Variants in MMD observed in about 807,000 individuals in gnomAD.
MMD encodes monocyte to macrophage differentiation associated.
Under a neutral mutation model 33.6 loss-of-function variants are expected in MMD, and 22 were observed. That is an observed-to-expected ratio of 0.66 (90% CI 0.47 to 0.94). The LOEUF (loss-of-function observed/expected upper bound fraction) is 0.94, where lower values mean the gene tolerates loss of function less well. MMD is among the 40% of genes least tolerant of loss of function. The pLI is 0.00. For missense variants in MMD, 242 were observed against 309.8 expected, an observed-to-expected ratio of 0.78 and a Z score of 1.64; for synonymous variants, 97 against 103.2, an observed-to-expected ratio of 0.94 and a Z score of 0.36.
In MMD at chr17:55,421,794, C is replaced by T. The variant is rs557948346; in HGVS notation, c.-99G>A. 1.5e-6 allele frequency: 2 copies of T among 1,354,146 alleles called. No homozygotes were observed. Among genetic ancestry groups the T allele is most frequent in the South Asian group, 2.9e-5 (2 of 69,860 alleles). 83.9% of individuals were successfully genotyped at this position (1,354,146 alleles called of 1,614,324 possible). A position where few individuals can be genotyped will look rare whatever the true frequency, so the allele number is the denominator to read the frequency against. ...GGGCTTGGGCTGCTCCGGAGGCCGC[C>T]TGCGTGTCCAGCGGAACCCTTCGGC... On this transcript the variant is annotated 5_prime_UTR_variant, in exon 1 of 7. Transcript: ENST00000262065.
rs147641195 is a variant in MMD, at chr17:55,394,546, GAAAAAAA to G, written c.517-19_517-13del. 1.4e-6 allele frequency: 2 copies of G among 1,418,758 alleles called. No individual in the cohort carries two copies. The highest frequency in any genetic ancestry group is 3.4e-5 in the South Asian group (2 of 58,908). 87.9% of individuals were successfully genotyped at this position (1,418,758 alleles called of 1,614,324 possible). On this transcript the variant is annotated splice_polypyrimidine_tract_variant and intron_variant, in intron 6 of 6. Transcript: ENST00000262065. Reference sequence around the variant, plus strand: ...CCATCGGTGTTGTTCTGTCAACAGAGAAAAAAAAATAAAAAGGGTTTGATGTTACTCT... The same window carrying G: ...CCATCGGTGTTGTTCTGTCAACAGAGAATAAAAAGGGTTTGATGTTACTCT...
At chr17:55,407,426 G>C (rs926151163) in intron 4 of MMD, among the ~76,000 whole-genome samples, 5 of 152,164 alleles carry the variant, frequency 3.3e-5, no homozygotes, top group African/African-American at 1.2e-4. Context: ...CAATAGCAGA[G>C]GTATAGGGAA....
rs761221289 is a variant in MMD at position 55,421,708 on chromosome 17, C to T, written c.-13G>A. 1.3e-6 allele frequency: 2 copies of T among 1,586,674 alleles called. No homozygotes were observed. The highest frequency in any genetic ancestry group is 1.7e-6 in the Non-Finnish European group (2 of 1,167,510). ...TCTTGAACCGCATTGATCCTCTGCT[C>T]CTCCTCGGGGGCCAGGAGCTCCGTC... On this transcript the variant is annotated 5_prime_UTR_variant, in exon 1 of 7. Coordinates refer to ENST00000262065, the MANE Select transcript of MMD (RefSeq NM_012329.3).
intron 1 of MMD, among the ~76,000 whole-genome samples, chr17:55,417,631 C>CA (rs1480395776): frequency 4.0e-5 from 6 of 151,622 alleles, no homozygotes; most frequent in South Asian, 2.1e-4. Context: ...TCTCTACACA[C>CA]AAAAAAAAAT....
chr17:55,408,932 C>T (rs765021414), intron 3 of MMD, among the ~76,000 whole-genome samples: 6 of 152,034 alleles, frequency 3.9e-5, no homozygotes, highest in Non-Finnish European at 8.8e-5. Context: ...ACCCAGGAGG[C>T]GGAGGTGGCA....
chr17:55,407,714 C>G, intron 4 of MMD, 32 bp downstream of exon 4: 1 of 1,574,176 alleles, frequency 6.4e-7, no homozygotes, highest in Non-Finnish European at 8.7e-7. Flanking sequence ...CATAAAATCA[C>G]TACCTTCGAA....
chr17:55,401,618 T>C (rs79971646), intron 5 of MMD, 80 bp from the exon 6 acceptor site: 13,775 of 1,206,262 alleles, frequency 0.011, 128 homozygotes, highest in Non-Finnish European at 0.015. Context: ...CTTTCCTTTT[T>C]ACTTTTGAGA....
At chr17:55,412,141 T>C (rs372758333) in intron 2 of MMD, among the ~76,000 whole-genome samples, 1 of 152,188 alleles carries the variant, frequency 6.6e-6, no homozygotes, top group Non-Finnish European at 1.5e-5. Flanking sequence ...ATCTGTCCTA[T>C]TGCAATTGAA....
chr17:55,415,724 ACAGTGAAGATATTTCACTTGGCC>A (rs1167155886), intron 1 of MMD, among the ~76,000 whole-genome samples: 3 of 152,226 alleles, frequency 2.0e-5, no homozygotes, highest in African/African-American at 7.2e-5. Context: ...TGAATTTGGG[ACAGTGAAGATATTTCACTTGGCC>A]CACTGATGGG....
chr17:55,419,016 A>G (rs978248525), intron 1 of MMD, among the ~76,000 whole-genome samples: 2 of 152,194 alleles, frequency 1.3e-5, no homozygotes. Context: ...GTTAAGAGAG[A>G]GAAAGAGGTG....
chr17:55,399,630 T>G (rs1409930315), intron 6 of MMD, among the ~76,000 whole-genome samples: 1 of 152,256 alleles, frequency 6.6e-6, no homozygotes, highest in South Asian at 2.1e-4. Flanking sequence ...AGCTTCTACA[T>G]GTTTTTCCAA....
chr17:55,410,705 C>T (rs930509481), intron 3 of MMD, among the ~76,000 whole-genome samples: 3 of 152,222 alleles, frequency 2.0e-5, no homozygotes, highest in Admixed American at 6.5e-5. Context: ...TCATACCTCA[C>T]ACACTCATAG....
chr17:55,405,708 C>T (rs1036909571), intron 4 of MMD, among the ~76,000 whole-genome samples: 18 of 152,124 alleles, frequency 1.2e-4, no homozygotes, highest in African/African-American at 3.6e-4. Flanking sequence ...AACATGAAGC[C>T]GACCTATAAT....
chr17:55,398,732 T>A (rs1907216686), intron 6 of MMD, among the ~76,000 whole-genome samples: 1 of 152,214 alleles, frequency 6.6e-6, no homozygotes, highest in Non-Finnish European at 1.5e-5. Flanking sequence ...ATGGCAGTTC[T>A]AGAGTAGCCC....
At chr17:55,403,646 CAT>C (rs1231862748) in intron 5 of MMD, 119 bp downstream of exon 5, 2 of 604,996 alleles carry the variant, frequency 3.3e-6, no homozygotes, top group African/African-American at 1.9e-5. Context: ...TTAAAAATAA[CAT>C]ATTCTATATA....
Position 55,411,388 on chromosome 17 carries a change from A to C in MMD, c.138T>G (p.Ser46Arg). The stretch of plus-strand genomic sequence containing the variant: ...CATCAGACAGCCGATGGAGGAGGGC[A>C]CTGCCCACGATGGCCGGAACAATGA... ...AFLIVPAIVG[S>R]ALLHRLSDDC... The change falls in exon 3 of 7, where the codon AGT becomes AGG. Residue 46 changes from serine to arginine, a missense_variant. Transcript: ENST00000262065. The C allele has an allele frequency of 2.5e-6, 4 of 1,614,024 alleles. No homozygotes were observed. Among genetic ancestry groups the C allele is most frequent in the Non-Finnish European group, 3.4e-6 (4 of 1,179,944 alleles).
intron 1 of MMD, among the ~76,000 whole-genome samples, chr17:55,419,934 A>G (rs1242687415): frequency 3.9e-5 from 6 of 152,218 alleles, no homozygotes; most frequent in African/African-American, 1.4e-4. Context: ...TCACATTACA[A>G]CTGTGCTAAT....
intron 5 of MMD, among the ~76,000 whole-genome samples, chr17:55,402,508 G>A (rs1907386587): frequency 6.6e-6 from 1 of 152,194 alleles, no homozygotes; most frequent in Non-Finnish European, 1.5e-5. Flanking sequence ...GTTTTGATCT[G>A]TAAATCCTAG....
At position 55,421,688 on chromosome 17, in the gene MMD, A is replaced by C; in HGVS notation, c.8T>G (p.Phe3Cys). 6.3e-7 allele frequency: 1 copy of C among 1,596,288 alleles called. No homozygotes were observed. Among genetic ancestry groups the C allele is most frequent in the African/African-American group, 1.4e-5 (1 of 73,568 alleles). The change falls in exon 1 of 7, where the codon TTC (phenylalanine) becomes TGC (cysteine). Residue 3 changes from phenylalanine (F) to cysteine (C), a missense_variant. Phe to Cys is a radical substitution (Grantham distance 205). Transcript: ENST00000262065. Reference sequence around the variant, plus strand: ...CTCTCACCGCTGGAATCGATTCTTGAACCGCATTGATCCTCTGCTCCTCCT... The same window carrying C: ...CTCTCACCGCTGGAATCGATTCTTGCACCGCATTGATCCTCTGCTCCTCCT... MR[F>C]KNRFQRFMNH...
Sources: allele counts gnomAD v4.1 joint callset (sites outside exome capture counted in the v4.1 genomes callset), GRCh38; gene constraint gnomAD v4.1.1; transcripts MANE v1.5; gene names NCBI Gene and HGNC (gene_info 2026-07-23, HGNC 2026-07-21).